Variants in TTC7B observed in about 807,000 individuals in gnomAD.
The protein encoded by TTC7B is tetratricopeptide repeat protein 7B.
In TTC7B, 28 loss-of-function variants were observed where a neutral mutation model predicts 106.8. The observed-to-expected ratio is 0.26, with a 90% CI of 0.19 to 0.36. The LOEUF (loss-of-function observed/expected upper bound fraction) is 0.36. Ranked by LOEUF, TTC7B falls within the 10% of genes least tolerant of loss-of-function variation. The pLI is 1.00. For synonymous variants in TTC7B, 405 were observed against 430.6 expected, an observed-to-expected ratio of 0.94 and a Z score of 0.74; for missense variants, 862 against 1,076.4, an observed-to-expected ratio of 0.80 and a Z score of 2.79.
chr14:90,580,088 C>G (rs1159790215), intron 18 of TTC7B, among the ~76,000 whole-genome samples: 1 of 152,236 alleles, frequency 6.6e-6, no homozygotes, highest in East Asian at 1.9e-4. Flanking sequence ...CAGGCCGAGG[C>G]CCTGTGCTCT....
intron 3 of TTC7B, among the ~76,000 whole-genome samples, chr14:90,760,834 G>A (rs2140016633): frequency 6.6e-6 from 1 of 152,278 alleles, no homozygotes; most frequent in African/African-American, 2.4e-5. Flanking sequence ...TGACCAACAA[G>A]CCAATAGCCT....
chr14:90,810,377 C>A (rs1345785319), intron 1 of TTC7B, among the ~76,000 whole-genome samples: 1 of 152,142 alleles, frequency 6.6e-6, no homozygotes, highest in Non-Finnish European at 1.5e-5. Context: ...TGAAGGTTAC[C>A]CCCCATAGGA....
intron 3 of TTC7B, among the ~76,000 whole-genome samples, chr14:90,749,838 A>G (rs2140006596): frequency 6.6e-6 from 1 of 152,328 alleles, no homozygotes; most frequent in South Asian, 2.1e-4. Flanking sequence ...CAGACATGGT[A>G]GTTTTCATCT....
chr14:90,680,641 A>G, intron 7 of TTC7B, 106 bp from the exon 8 acceptor site: 1 of 731,500 alleles, frequency 1.4e-6, no homozygotes, highest in Non-Finnish European at 2.3e-6. Context: ...AATACCCATG[A>G]AAAATACTGT....
intron 15 of TTC7B, among the ~76,000 whole-genome samples, chr14:90,619,729 C>T (rs1276766702): frequency 6.6e-6 from 1 of 152,140 alleles, no homozygotes; most frequent in African/African-American, 2.4e-5. Flanking sequence ...CTCTGGTGCC[C>T]TTTGGTTGTT....
chr14:90,795,786 A>G (rs11159978), intron 1 of TTC7B, among the ~76,000 whole-genome samples: 21,597 of 152,242 alleles, frequency 0.14, 1,757 homozygotes, highest in Non-Finnish European at 0.18. Flanking sequence ...TCTAGGAGAC[A>G]CAAGCTCCGT....
chr14:90,680,229 G>C lies in TTC7B; in HGVS notation c.1014+243C>G, dbSNP rs4293305. 0.87 allele frequency among the ~76,000 whole-genome samples: 132,264 copies of C among 152,220 alleles called. 57,637 individuals are homozygous for C. Among genetic ancestry groups the C allele is most frequent in the East Asian group, 0.98 (5,086 of 5,188 alleles). ...TGGATGAATGAATGAACTAAGATAC[G>C]TGCTTCAAGATAGAAGATAGAGAAG... On this transcript the variant is annotated intron_variant, in intron 8 of 19. Coordinates refer to ENST00000328459, the MANE Select transcript of TTC7B (RefSeq NM_001010854.2).
chr14:90,764,698 C>T (rs1890614876), intron 3 of TTC7B, among the ~76,000 whole-genome samples: 1 of 152,022 alleles, frequency 6.6e-6, no homozygotes, highest in South Asian at 2.1e-4. Context: ...GGCCAATAAG[C>T]ACATGAAAAA....
Position 90,575,762 on chromosome 14 carries a change from G to A in TTC7B, c.2310+2344C>T, listed in dbSNP as rs976944303. Among the ~76,000 whole-genome samples the A allele has an allele frequency of 5.9e-5, 9 of 152,204 alleles. No individual in the cohort carries two copies. Among genetic ancestry groups the A allele is most frequent in the Non-Finnish European group, 1.0e-4 (7 of 68,036 alleles). On this transcript the variant is annotated intron_variant, in intron 19 of 19. Coordinates refer to ENST00000328459, the MANE Select transcript of TTC7B (RefSeq NM_001010854.2). The surrounding 1 kb of genome is among the most constrained non-coding windows in gnomAD (Gnocchi z 5.2). Reference sequence around the variant, plus strand: ...GTCACTGGGCAAAGTTTCTGACTGCGAGACTCTAAACTCCTCAAATCTGTA... The same window carrying A: ...GTCACTGGGCAAAGTTTCTGACTGCAAGACTCTAAACTCCTCAAATCTGTA...
intron 9 of TTC7B, among the ~76,000 whole-genome samples, chr14:90,670,991 G>A (rs975365297): frequency 2.0e-5 from 3 of 152,188 alleles, no homozygotes; most frequent in African/African-American, 7.2e-5. Context: ...AAGCACTGGT[G>A]CATTCAGCAA....
chr14:90,712,250 C>T (rs539261121), intron 5 of TTC7B, among the ~76,000 whole-genome samples: 12 of 152,160 alleles, frequency 7.9e-5, no homozygotes, highest in Non-Finnish European at 1.5e-4. Flanking sequence ...GATGTCTGCT[C>T]TTGCCACTTT....
chr14:90,761,449 C>T (rs557627489), intron 3 of TTC7B, among the ~76,000 whole-genome samples: 1 of 151,974 alleles, frequency 6.6e-6, no homozygotes, highest in African/African-American at 2.4e-5. Context: ...ATTTTCCACA[C>T]CCCTATGATT....
intron 17 of TTC7B, among the ~76,000 whole-genome samples, chr14:90,607,090 G>A (rs1892672685): frequency 1.3e-5 from 2 of 152,184 alleles, no homozygotes; most frequent in Non-Finnish European, 2.9e-5. Flanking sequence ...AATGCTGATT[G>A]CTAAAACTCA....
intron 7 of TTC7B, among the ~76,000 whole-genome samples, chr14:90,684,423 C>T (rs1010074209): frequency 6.6e-6 from 1 of 152,008 alleles, no homozygotes; most frequent in African/African-American, 2.4e-5. Flanking sequence ...AAAAGAAACA[C>T]GTACAAGACT....
At chr14:90,589,635 CT>C (rs1891869883) in intron 18 of TTC7B, among the ~76,000 whole-genome samples, 1 of 152,118 alleles carries the variant, frequency 6.6e-6, no homozygotes, top group African/African-American at 2.4e-5. Context: ...TATAGGGATA[CT>C]TATTGAAGCA....
chr14:90,695,243 T>A lies in TTC7B; in HGVS notation c.777+257A>T, dbSNP rs553292453. 9.5e-3 allele frequency among the ~76,000 whole-genome samples: 1,373 copies of A among 144,234 alleles called. 17 individuals are homozygous for A. Among genetic ancestry groups the A allele is most frequent in the African/African-American group, 0.034 (1,322 of 39,236 alleles). The allele number at this position is 144,234 out of a possible 152,430, so 94.6% of individuals were successfully genotyped here. A position where few individuals can be genotyped will look rare whatever the true frequency, so the allele number is the denominator to read the frequency against. ...TATACATTTTATTATAAAACATGTA[T>A]ATTTTATATACATATATATGTCACA... On this transcript the variant is annotated intron_variant, in intron 6 of 19. Transcript: ENST00000328459.
chr14:90,665,516 A>G (rs1886376043), intron 9 of TTC7B, among the ~76,000 whole-genome samples: 1 of 152,214 alleles, frequency 6.6e-6, no homozygotes, highest in Non-Finnish European at 1.5e-5. Flanking sequence ...AAGCCCAGTT[A>G]CACAAACTGG....
chr14:90,596,110 A>G (rs1216386151), intron 17 of TTC7B, among the ~76,000 whole-genome samples: 3 of 152,134 alleles, frequency 2.0e-5, no homozygotes, highest in Non-Finnish European at 2.9e-5. Flanking sequence ...TTAGAAGTAA[A>G]AACATGTTTT....
At chr14:90,631,511 C>A (rs578112879) in intron 15 of TTC7B, among the ~76,000 whole-genome samples, 2 of 151,522 alleles carry the variant, frequency 1.3e-5, no homozygotes, top group Non-Finnish European at 1.5e-5. Flanking sequence ...CAGGTTCAAG[C>A]GATTCTTCTG....
Sources: gnomAD v4.1 joint callset for allele counts (sites outside exome capture counted in the v4.1 genomes callset) on GRCh38, gnomAD v4.1.1 for gene constraint, Gnocchi (gnomAD v3.1) non-coding constraint, MANE v1.5 for transcripts, NCBI Gene and HGNC (gene_info 2026-07-23, HGNC 2026-07-21) for gene names.